VIT: variants seen among roughly 807,000 people sequenced by gnomAD.
VIT encodes the protein vitrin.
In VIT, 99 loss-of-function variants were observed where a neutral mutation model predicts 78.0. The observed-to-expected ratio is 1.27, with a 90% CI of 1.08 to 1.50. The LOEUF is 1.50. VIT is among the 40% of genes most tolerant of loss of function. The pLI is 0.00. For synonymous variants in VIT, 374 were observed against 334.3 expected (o/e 1.12, Z -1.29); for missense variants, 1,126 against 875.3 (o/e 1.29, Z -3.61).
chr2:36,789,065 G>T (rs111887191), intron 12 of VIT, among the ~76,000 whole-genome samples: 1 of 152,138 alleles, frequency 6.6e-6, no homozygotes, highest in South Asian at 2.1e-4. Context: ...CTTTTTCACG[G>T]GGTTCTTATT....
At position 36,783,403 on chromosome 2, in the gene VIT, G is replaced by C; in HGVS notation, c.910+1G>C. On this transcript the variant is annotated splice_donor_variant, in intron 11 of 15. Coordinates refer to ENST00000379242, the MANE Select transcript of VIT (RefSeq NM_053276.4). LOFTEE classifies it high-confidence loss of function. ...GAGCCAGTATCCCTGGGAGATCCAA[G>C]TAAGTTAATTGACAACTAGAAACCC... is the stretch of plus-strand genomic sequence containing the variant. 6.2e-7 allele frequency: 1 copy of C among 1,614,070 alleles called. No homozygotes were observed. The highest frequency in any genetic ancestry group is 8.5e-7 in the Non-Finnish European group (1 of 1,179,980).
intron 14 of VIT, among the ~76,000 whole-genome samples, chr2:36,806,466 T>G (rs1190642945): frequency 7.3e-5 from 11 of 151,706 alleles, no homozygotes; most frequent in African/African-American, 1.5e-4. Context: ...CCCTCAATGT[T>G]GACCTCCCCA....
chr2:36,773,333 T>TC (rs1669865309), intron 7 of VIT, among the ~76,000 whole-genome samples: 1 of 151,068 alleles, frequency 6.6e-6, no homozygotes, highest in Non-Finnish European at 1.5e-5. Context: ...TTTTTTTTTT[T>TC]CATTTGAATT....
chr2:36,700,276 A>T (rs938622925), intron 1 of VIT, among the ~76,000 whole-genome samples: 2 of 152,188 alleles, frequency 1.3e-5, no homozygotes, highest in African/African-American at 4.8e-5. Context: ...AAACCTCAAA[A>T]GGTCTCCCTC....
At chr2:36,747,692 G>A (rs1668222209) in intron 4 of VIT, among the ~76,000 whole-genome samples, 1 of 152,158 alleles carries the variant, frequency 6.6e-6, no homozygotes, top group Non-Finnish European at 1.5e-5. Context: ...GCTGGGTCTT[G>A]TTTCTTAATC....
At chr2:36,805,286 A>G (rs1666625298) in intron 13 of VIT, 152 bp from the exon 14 acceptor site, 2 of 852,612 alleles carry the variant, frequency 2.3e-6, no homozygotes, top group Admixed American at 7.1e-5. Context: ...CCTGGGCAAC[A>G]GAGCAAGACC....
At chr2:36,730,666 T>C (rs1212437888) in intron 3 of VIT, among the ~76,000 whole-genome samples, 1 of 152,230 alleles carries the variant, frequency 6.6e-6, no homozygotes, top group Non-Finnish European at 1.5e-5. Context: ...TATACTCATG[T>C]TCAGCAGTTC....
intron 15 of VIT, among the ~76,000 whole-genome samples, chr2:36,813,188 G>T (rs1018224192): frequency 6.6e-6 from 1 of 151,146 alleles, no homozygotes; most frequent in African/African-American, 2.4e-5. Flanking sequence ...GGTGGCTCAT[G>T]CCTGTAATCC....
chr2:36,734,532 G>A (rs752463268), intron 3 of VIT, among the ~76,000 whole-genome samples: 1 of 152,134 alleles, frequency 6.6e-6, no homozygotes, highest in African/African-American at 2.4e-5. Context: ...AGATAAGGGT[G>A]TTGCATAATC....
chr2:36,740,994 G>T (rs1009104765), intron 3 of VIT, among the ~76,000 whole-genome samples: 1 of 152,192 alleles, frequency 6.6e-6, no homozygotes, highest in African/African-American at 2.4e-5. Flanking sequence ...CACAGTGCCA[G>T]AGTCACATCA....
rs1323629097 is a variant in VIT, at chr2:36,749,529, T to A, written c.276-5392T>A. Among the ~76,000 whole-genome samples the A allele has an allele frequency of 2.0e-5, 3 of 152,262 alleles. No homozygotes were observed. In the East Asian group the frequency reaches 5.8e-4, roughly 29 times the overall value. ...TGCCAAGCACTTTACCTTCTTTATC[T>A]TATTTAATCCTGACAATAATTCCTC... On this transcript the variant is annotated intron_variant, in intron 4 of 15. Coordinates refer to ENST00000379242, the MANE Select transcript of VIT (RefSeq NM_053276.4).
In VIT at chr2:36,808,871, C is replaced by G. The variant is rs1666944065; in HGVS notation, c.1789C>G (p.Leu597Val). The G allele has an allele frequency of 1.9e-6, 3 of 1,614,174 alleles. No homozygotes were observed. The highest frequency in any genetic ancestry group is 2.5e-6 in the Non-Finnish European group (3 of 1,180,034). The part of the protein sequence containing the change: ...TSTGAAINFA[L>V]EQLFKKSKPN... ...CACGGGGGCTGCCATCAACTTCGCC[C>G]TGGAGCAGCTCTTCAAGAAGTCCAA... is the stretch of plus-strand genomic sequence containing the variant. Residue 597 changes from leucine (L) to valine (V), a missense_variant, in exon 15 of 16, where the codon CTG (leucine) becomes GTG (valine). Transcript: ENST00000379242.
intron 12 of VIT, among the ~76,000 whole-genome samples, chr2:36,797,604 C>A (rs1666000927): frequency 6.6e-6 from 1 of 152,094 alleles, no homozygotes; most frequent in Admixed American, 6.6e-5. Context: ...CCTGAGGTGC[C>A]TTCCAGAGGA....
At chr2:36,697,883 G>A (rs955935557) in intron 1 of VIT, among the ~76,000 whole-genome samples, 10 of 152,202 alleles carry the variant, frequency 6.6e-5, no homozygotes, top group Non-Finnish European at 1.0e-4. Flanking sequence ...GTATTTTGCC[G>A]TTACGTTGTG....
intron 12 of VIT, among the ~76,000 whole-genome samples, chr2:36,796,134 T>C (rs1391038589): frequency 6.8e-6 from 1 of 147,848 alleles, no homozygotes; most frequent in East Asian, 2.0e-4. Flanking sequence ...AAAAACATAG[T>C]GGGCAGCATA....
intron 12 of VIT, among the ~76,000 whole-genome samples, chr2:36,800,000 A>T (rs1161578490): frequency 2.7e-5 from 4 of 150,224 alleles, no homozygotes; most frequent in Non-Finnish European, 4.4e-5. Context: ...GTGAGCCAAG[A>T]TCGAGCCAGT....
At chr2:36,803,126 C>A (rs1666450572) in intron 13 of VIT, among the ~76,000 whole-genome samples, 1 of 152,196 alleles carries the variant, frequency 6.6e-6, no homozygotes, top group Non-Finnish European at 1.5e-5. Flanking sequence ...GCCATTCACA[C>A]CCACAACATG....
At chr2:36,720,676 C>A (rs1666448233) in intron 2 of VIT, among the ~76,000 whole-genome samples, 1 of 152,246 alleles carries the variant, frequency 6.6e-6, no homozygotes, top group East Asian at 1.9e-4. Flanking sequence ...TTTCCAGGGG[C>A]TGGGGAGCCA....
chr2:36,743,221 A>C lies in VIT; in HGVS notation c.240A>C (p.Ala80=). The C allele has an allele frequency of 6.2e-7, 1 of 1,614,054 alleles. No homozygotes were observed. The highest frequency in any genetic ancestry group is 1.3e-5 in the African/African-American group (1 of 75,038). Residue 80 remains alanine, a synonymous_variant, in exon 4 of 16, where the codon GCA becomes GCC. Transcript: ENST00000379242. ...ATGTTTATGGCACTGACGTGTATGC[A>C]TCCTACTCCAGTGTGTGTGGCGCTG... ...KYHVYGTDVY[A]SYSSVCGAAV... is the part of the protein sequence containing the mutation.
Sources: allele counts gnomAD v4.1 joint callset (sites outside exome capture counted in the v4.1 genomes callset), GRCh38; gene constraint gnomAD v4.1.1; transcripts MANE v1.5; gene names NCBI Gene and HGNC (gene_info 2026-07-23, HGNC 2026-07-21).